ARHGEF19: variants seen among roughly 807,000 people sequenced by gnomAD.
ARHGEF19 encodes Rho guanine nucleotide exchange factor 19.
Under a neutral mutation model 87.6 loss-of-function variants are expected in ARHGEF19, and 92 were observed. That is an observed-to-expected ratio of 1.05 (90% CI 0.89 to 1.25). The LOEUF is 1.25. Ranked by LOEUF, ARHGEF19 falls within the 50% of genes most tolerant of loss-of-function variation. The pLI is 0.00. For missense variants in ARHGEF19, 1,054 were observed against 1,051.8 expected, an observed-to-expected ratio of 1.00 and a Z score of -0.03; for synonymous variants, 438 against 446.2, an observed-to-expected ratio of 0.98 and a Z score of 0.23.
Position 16,206,826 on chromosome 1 carries a change from A to G in ARHGEF19, c.1137+122T>C. On this transcript the variant is annotated intron_variant, in intron 6 of 15. Coordinates refer to ENST00000270747, the MANE Select transcript of ARHGEF19 (RefSeq NM_153213.5). This position sits in a 1 kb window ranked among gnomAD's most constrained non-coding sequence, Gnocchi z 4.6. Reference sequence around the variant, plus strand: ...GTCCTAGAGCCAACCTTCCGCGCGGACAGTCGCGCCAGCAACCCCCTTTGT... The same window carrying G: ...GTCCTAGAGCCAACCTTCCGCGCGGGCAGTCGCGCCAGCAACCCCCTTTGT... The G allele has an allele frequency of 2.4e-6, 3 of 1,243,110 alleles. No homozygotes were observed. Among genetic ancestry groups the G allele is most frequent in the Non-Finnish European group, 3.1e-6 (3 of 954,432 alleles). The allele number at this position is 1,243,110 out of a possible 1,614,324, so 77.0% of individuals were successfully genotyped here. A position where few individuals can be genotyped will look rare whatever the true frequency, so the allele number is the denominator to read the frequency against.
intron 13 of ARHGEF19, 77 bp downstream of exon 13, chr1:16,202,338 CG>C (rs1303293989): frequency 1.2e-6 from 1 of 814,534 alleles, no homozygotes; most frequent in Non-Finnish European, 1.6e-6. Context: ...GCCATGGGGA[CG>C]GGGTGCCCAT....
In ARHGEF19 at chr1:16,198,704, C is replaced by A. The variant is rs949752330; in HGVS notation, c.2292G>T (p.Gly764=). 4 of 1,611,894 alleles carry A rather than the reference C, an allele frequency of 2.5e-6. No homozygotes were observed. Residue 764 remains glycine, a synonymous_variant, in exon 16 of 16, where the codon GGG becomes GGT. Coordinates refer to ENST00000270747, the MANE Select transcript of ARHGEF19 (RefSeq NM_153213.5). This position sits in a 1 kb window ranked among gnomAD's most constrained non-coding sequence, Gnocchi z 4.1. ...CTTCCACATAGGCCTGGGGCACCCA[C>A]CCCTTCTCACCATCTGCCAGGCGGA... The part of the protein sequence containing the change: ...EGVRLADGEK[G]WVPQAYVEEI...
Position 16,198,445 on chromosome 1 carries a change from G to T in ARHGEF19, c.*142C>A. Reference sequence around the variant, plus strand: ...ACCCTCTGGAGGCGCCCCCATTCCTGTGTCCAGCCTGTGCCCTCAATGCCA... The same window carrying T: ...ACCCTCTGGAGGCGCCCCCATTCCTTTGTCCAGCCTGTGCCCTCAATGCCA... On this transcript the variant is annotated 3_prime_UTR_variant, in exon 16 of 16. Coordinates refer to ENST00000270747, the MANE Select transcript of ARHGEF19 (RefSeq NM_153213.5). The surrounding 1 kb of genome is among the most constrained non-coding windows in gnomAD (Gnocchi z 4.1). 1 of 1,089,204 alleles carries T rather than the reference G, an allele frequency of 9.2e-7. No homozygotes were observed. Among genetic ancestry groups the T allele is most frequent in the Non-Finnish European group, 1.3e-6 (1 of 787,136 alleles). The allele number at this position is 1,089,204 out of a possible 1,614,324, so 67.5% of individuals were successfully genotyped here.
chr1:16,206,835 C>A lies in ARHGEF19; in HGVS notation c.1137+113G>T. The A allele has an allele frequency of 7.7e-7, 1 of 1,298,692 alleles. No individual in the cohort carries two copies. Among genetic ancestry groups the A allele is most frequent in the Non-Finnish European group, 1.0e-6 (1 of 1,004,614 alleles). The allele number at this position is 1,298,692 out of a possible 1,614,324, so 80.4% of individuals were successfully genotyped here. ...CCAACCTTCCGCGCGGACAGTCGCG[C>A]CAGCAACCCCCTTTGTGTGTCCCCC... On this transcript the variant is annotated intron_variant, in intron 6 of 15. Coordinates refer to ENST00000270747, the MANE Select transcript of ARHGEF19 (RefSeq NM_153213.5). This position sits in a 1 kb window ranked among gnomAD's most constrained non-coding sequence, Gnocchi z 4.6.
Position 16,205,863 on chromosome 1 carries a change from C to T in ARHGEF19, c.1451+68G>A. 6.5e-7 allele frequency: 1 copy of T among 1,538,420 alleles called. No individual in the cohort carries two copies. Among genetic ancestry groups the T allele is most frequent in the Non-Finnish European group, 8.8e-7 (1 of 1,139,088 alleles). ...CCCAGAGTCACCTTACGTCACCCAGCCCTCAGTGCCTACACCTGCCTGAGA... is the reference window on the plus strand; with the variant it reads ...CCCAGAGTCACCTTACGTCACCCAGTCCTCAGTGCCTACACCTGCCTGAGA... On this transcript the variant is annotated intron_variant, in intron 8 of 15. Coordinates refer to ENST00000270747, the MANE Select transcript of ARHGEF19 (RefSeq NM_153213.5). This position sits in a 1 kb window ranked among gnomAD's most constrained non-coding sequence, Gnocchi z 5.8.
In ARHGEF19 at chr1:16,208,219, T is replaced by C. The variant is rs1434252533; in HGVS notation, c.419A>G (p.Lys140Arg). 6.2e-7 allele frequency: 1 copy of C among 1,612,302 alleles called. No homozygotes were observed. The highest frequency in any genetic ancestry group is 8.5e-7 in the Non-Finnish European group (1 of 1,179,054). ...HGSEKKSAWR[K>R]MRVYQREEVP... ...CTCTTCACGCTGGTACACCCGCATC[T>C]TGCGCCCTAGGGTTGGGGGCAAGGA... Residue 140 changes from lysine to arginine, a missense_variant, in exon 3 of 16, where the codon AAG (lysine) becomes AGG (arginine). Physicochemically the swap from Lys to Arg is conservative, Grantham distance 26. Coordinates refer to ENST00000270747, the MANE Select transcript of ARHGEF19 (RefSeq NM_153213.5).
intron 2 of ARHGEF19, 38 bp downstream of exon 2, chr1:16,208,605 C>A: frequency 6.4e-7 from 1 of 1,558,694 alleles, no homozygotes; most frequent in Non-Finnish European, 8.6e-7. Flanking sequence ...TATCCCCCTG[C>A]CATGGCACCC....
chr1:16,208,361 TCTGGTCCCCAGAGCC>T (rs2081165711), intron 2 of ARHGEF19, 136 bp from the exon 3 acceptor site: 3 of 1,208,154 alleles, frequency 2.5e-6, no homozygotes, highest in Non-Finnish European at 1.1e-6. Context: ...TCTGCTAGCA[TCTGGTCCCCAGAGCC>T]CTGGGGTCCA....
At chr1:16,208,321 G>A in intron 2 of ARHGEF19, 96 bp from the exon 3 acceptor site, 1 of 1,427,016 alleles carries the variant, frequency 7.0e-7, no homozygotes, top group South Asian at 1.4e-5. Context: ...GGGAGGTTCA[G>A]GCACCATGCC....
In ARHGEF19 at chr1:16,205,862, G is replaced by A. The variant is rs937030844; in HGVS notation, c.1451+69C>T. On this transcript the variant is annotated intron_variant, in intron 8 of 15. Transcript: ENST00000270747. The surrounding 1 kb of genome is among the most constrained non-coding windows in gnomAD (Gnocchi z 5.8). Reference sequence around the variant, plus strand: ...TCCCAGAGTCACCTTACGTCACCCAGCCCTCAGTGCCTACACCTGCCTGAG... The same window carrying A: ...TCCCAGAGTCACCTTACGTCACCCAACCCTCAGTGCCTACACCTGCCTGAG... 1 of 1,537,082 alleles carries A rather than the reference G, an allele frequency of 6.5e-7. No individual in the cohort carries two copies. The highest frequency in any genetic ancestry group is 8.8e-7 in the Non-Finnish European group (1 of 1,138,186).
At position 16,207,731 on chromosome 1, in the gene ARHGEF19, G is replaced by A; in HGVS notation, c.741C>T (p.Asp247=). 3 of 1,613,998 alleles carry A rather than the reference G, an allele frequency of 1.9e-6. No individual in the cohort carries two copies. Among genetic ancestry groups the A allele is most frequent in the Non-Finnish European group, 2.5e-6 (3 of 1,180,018 alleles). The part of the protein sequence containing the change: ...MEARSVEMSG[D]RVSRPAPGDS... ...CACCAGGGGCTGGCCGCGACACCCG[G>A]TCCCCGCTCATCTCTACACTTCGAG... Residue 247 remains aspartate (D), a synonymous_variant, in exon 4 of 16, where the codon GAC becomes GAT. Coordinates refer to ENST00000270747, the MANE Select transcript of ARHGEF19 (RefSeq NM_153213.5). The surrounding 1 kb of genome is among the most constrained non-coding windows in gnomAD (Gnocchi z 4.0).
intron 14 of ARHGEF19, among the ~76,000 whole-genome samples, chr1:16,201,456 C>G (rs2081082873): frequency 6.6e-6 from 1 of 152,194 alleles, no homozygotes. Flanking sequence ...GACCTGGGCT[C>G]TGGTCTCGGC....
chr1:16,211,716 C>T (rs930403344), intron 1 of ARHGEF19, among the ~76,000 whole-genome samples: 3 of 152,212 alleles, frequency 2.0e-5, no homozygotes, highest in Non-Finnish European at 2.9e-5. Flanking sequence ...GCCCACCCAA[C>T]CTCAATGCTG....
rs2081092693 is a variant in ARHGEF19, at chr1:16,202,587, G to A, written c.1908-13C>T. Reference sequence around the variant, plus strand: ...AAACTTCCCTAGCCTGGAGGACCGGGGGAGGGGAGGTCAGCCTGGCCTGGG... The same window carrying A: ...AAACTTCCCTAGCCTGGAGGACCGGAGGAGGGGAGGTCAGCCTGGCCTGGG... On this transcript the variant is annotated splice_polypyrimidine_tract_variant and intron_variant, in intron 12 of 15. Transcript: ENST00000270747. 1.2e-6 allele frequency: 2 copies of A among 1,609,066 alleles called. No homozygotes were observed. The highest frequency in any genetic ancestry group is 1.7e-6 in the Non-Finnish European group (2 of 1,176,344).
chr1:16,207,837 CGGCCCAGGCACCCTGACGGCCTCA>C lies in ARHGEF19; in HGVS notation c.694+83_695-61del. Reference sequence around the variant, plus strand: ...GAGAGTGGGCCTGGGGCCTGGGCCCCGGCCCAGGCACCCTGACGGCCTCAGGCGGCCGGTGAGTGGGCATCGCCC... The same window carrying C: ...GAGAGTGGGCCTGGGGCCTGGGCCCCGGCGGCCGGTGAGTGGGCATCGCCC... On this transcript the variant is annotated intron_variant, in intron 3 of 15. Coordinates refer to ENST00000270747, the MANE Select transcript of ARHGEF19 (RefSeq NM_153213.5). This position sits in a 1 kb window ranked among gnomAD's most constrained non-coding sequence, Gnocchi z 4.0. The C allele has an allele frequency of 6.3e-7, 1 of 1,585,970 alleles. No homozygotes were observed.
Position 16,204,835 on chromosome 1 carries a change from CA to C in ARHGEF19, c.1830del (p.Ala611ProfsTer3). ...VELAPLPAAP[P>X]AKLKLSSKAV... is the part of the protein sequence containing the mutation. Reference sequence around the variant, plus strand: ...GCCTTGCTGGACAGCTTCAGCTTGGCAGGGGGTGCTGCAGGCAGTGGTGCCA... The same window carrying C: ...GCCTTGCTGGACAGCTTCAGCTTGGCGGGGGTGCTGCAGGCAGTGGTGCCA... On this transcript the variant is annotated frameshift_variant, in exon 12 of 16. Coordinates refer to ENST00000270747, the MANE Select transcript of ARHGEF19 (RefSeq NM_153213.5). LOFTEE classifies it high-confidence loss of function. 6.2e-7 allele frequency: 1 copy of C among 1,609,116 alleles called. No homozygotes were observed. The highest frequency in any genetic ancestry group is 8.5e-7 in the Non-Finnish European group (1 of 1,177,692).
chr1:16,206,996 G>T lies in ARHGEF19; in HGVS notation c.1089C>A (p.Gly363=). The T allele has an allele frequency of 6.6e-7, 1 of 1,516,806 alleles. No homozygotes were observed. The highest frequency in any genetic ancestry group is 8.8e-7 in the Non-Finnish European group (1 of 1,136,064). 94.0% of individuals were successfully genotyped at this position (1,516,806 alleles called of 1,614,324 possible). A position where few individuals can be genotyped will look rare whatever the true frequency, so the allele number is the denominator to read the frequency against. The change falls in exon 6 of 16, where the codon GGC becomes GGA. Residue 363 remains glycine, a synonymous_variant. Transcript: ENST00000270747. The surrounding 1 kb of genome is among the most constrained non-coding windows in gnomAD (Gnocchi z 4.6). ...GGCTCAGCGTGGCCAGGACGCCGCT[G>T]CCGCGTACGTCGGGGATATCCTGCC... ...SLWQDIPDVR[G]SGVLATLSLR... is the part of the protein sequence containing the mutation.
rs1299504529 is a variant in ARHGEF19 at position 16,206,231 on chromosome 1, T to C, written c.1247A>G (p.Asp416Gly). The change falls in exon 7 of 16, where the codon GAC (aspartate) becomes GGC (glycine). Residue 416 changes from aspartate to glycine, a missense_variant. Coordinates refer to ENST00000270747, the MANE Select transcript of ARHGEF19 (RefSeq NM_153213.5). This position sits in a 1 kb window ranked among gnomAD's most constrained non-coding sequence, Gnocchi z 4.6. ...AELSECLGAQ[D>G]KQWLFSKLPE... is the part of the protein sequence containing the mutation. Reference sequence around the variant, plus strand: ...CAGTTTGGAAAACAGCCACTGCTTGTCCTGCGCCCCCAGACACTCGCTCAG... The same window carrying C: ...CAGTTTGGAAAACAGCCACTGCTTGCCCTGCGCCCCCAGACACTCGCTCAG... The C allele has an allele frequency of 1.9e-6, 3 of 1,597,636 alleles. No homozygotes were observed. In the East Asian group the frequency reaches 6.7e-5, roughly 36 times the overall value.
chr1:16,207,677 G>A lies in ARHGEF19; in HGVS notation c.795C>T (p.Pro265=), dbSNP rs1311667104. 6.8e-6 allele frequency: 11 copies of A among 1,614,102 alleles called. No individual in the cohort carries two copies. Among genetic ancestry groups the A allele is most frequent in the Non-Finnish European group, 9.3e-6 (11 of 1,180,038 alleles). Residue 265 remains proline (P), a splice_region_variant and synonymous_variant, in exon 4 of 16, where the codon CCC becomes CCT. Transcript: ENST00000270747. This position sits in a 1 kb window ranked among gnomAD's most constrained non-coding sequence, Gnocchi z 4.0. ...CAAGCCCAAACGGGAGGTGGTACCT[G>A]GGCTCGGACCAATCGCCCTCTCGTG... ...GDSREGDWSE[P]RLDTQEEPPL... is the part of the protein sequence containing the mutation.
Sources: allele counts gnomAD v4.1 joint callset (sites outside exome capture counted in the v4.1 genomes callset), GRCh38; gene constraint gnomAD v4.1.1; non-coding constraint Gnocchi (gnomAD v3.1); transcripts MANE v1.5; gene names NCBI Gene and HGNC (gene_info 2026-07-23, HGNC 2026-07-21).